Variants in CYFIP2 observed in about 807,000 individuals in gnomAD.
The protein encoded by CYFIP2 is cytoplasmic FMR1 interacting protein 2, also known as cytoplasmic FMR1-interacting protein 2.
A neutral mutation model predicts 158.7 loss-of-function variants in CYFIP2; 29 were observed. The ratio of observed to expected loss-of-function variants is 0.18; its 90% confidence interval spans 0.14 to 0.25. CYFIP2 has a LOEUF of 0.25. Ranked by LOEUF, CYFIP2 falls within the 10% of genes least tolerant of loss-of-function variation. CYFIP2 has a pLI of 1.00. For missense variants in CYFIP2, 852 were observed against 1,639.5 expected (o/e 0.52, Z 8.29); for synonymous variants, 585 against 617.6 (o/e 0.95, Z 0.78).
intron 11 of CYFIP2, among the ~76,000 whole-genome samples, chr5:157,312,762 G>A (rs1443219554): frequency 6.6e-6 from 1 of 152,266 alleles, no homozygotes; most frequent in Non-Finnish European, 1.5e-5. Context: ...GTGGCCCACA[G>A]GGACCAAGGT....
At chr5:157,336,384 A>C (rs1761860376) in intron 21 of CYFIP2, among the ~76,000 whole-genome samples, 1 of 152,242 alleles carries the variant, frequency 6.6e-6, no homozygotes, top group African/African-American at 2.4e-5. Flanking sequence ...GAAGAAATCA[A>C]ATAAAACTGC....
At chr5:157,326,066 T>G in intron 17 of CYFIP2, 105 bp from the exon 18 acceptor site, 1 of 863,028 alleles carries the variant, frequency 1.2e-6, no homozygotes, top group Non-Finnish European at 1.9e-6. Flanking sequence ...TGAAAGATGG[T>G]CTTTTCCTGA....
rs1758118683 is a variant in CYFIP2 at position 157,294,812 on chromosome 5, T to C, written c.237T>C (p.Tyr79=). 6.2e-7 allele frequency: 1 copy of C among 1,613,866 alleles called. No individual in the cohort carries two copies. Among genetic ancestry groups the C allele is most frequent in the Non-Finnish European group, 8.5e-7 (1 of 1,179,788 alleles). Residue 79 remains tyrosine, a synonymous_variant, in exon 4 of 31, where the codon TAT becomes TAC. Coordinates refer to ENST00000620254, the MANE Select transcript of CYFIP2 (RefSeq NM_001037333.3). Reference sequence around the variant, plus strand: ...AGATGCTGGAGGAAGGACATGAGTATGCGGTCATGCTGTACACCTGGCGCA... The same window carrying C: ...AGATGCTGGAGGAAGGACATGAGTACGCGGTCATGCTGTACACCTGGCGCA... ...MNEMLEEGHE[Y]AVMLYTWRSC...
In CYFIP2 at chr5:157,345,312, T is replaced by G. The variant is rs1259713081; in HGVS notation, c.2673+4155T>G. On this transcript the variant is annotated intron_variant, in intron 23 of 30. Transcript: ENST00000620254. ...GGCTTCCTATCTGCCACTAGCTGTC[T>G]GTACAGATGGAATTACCTCAGCAGA... is the stretch of plus-strand genomic sequence containing the variant. The G allele has an allele frequency of 2.0e-5, 3 of 152,682 alleles. No individual in the cohort carries two copies. The East Asian group carries it at 5.8e-4, about 29-fold the overall frequency. 9.5% of individuals were successfully genotyped at this position (152,682 alleles called of 1,614,324 possible).
At chr5:157,323,697 A>G (rs1760788943) in intron 15 of CYFIP2, among the ~76,000 whole-genome samples, 1 of 152,226 alleles carries the variant, frequency 6.6e-6, no homozygotes, top group South Asian at 2.1e-4. Flanking sequence ...TGGTGTGGCC[A>G]GGTCCACTGG....
chr5:157,343,953 T>C (rs758124199), intron 23 of CYFIP2, among the ~76,000 whole-genome samples: 7 of 152,164 alleles, frequency 4.6e-5, no homozygotes, highest in Non-Finnish European at 7.3e-5. Context: ...CCTCAGGCAA[T>C]TGATTCACCT....
rs773671305 is a variant in CYFIP2, at chr5:157,341,065, A to G, written c.2586-5A>G. 1.2e-6 allele frequency: 2 copies of G among 1,613,558 alleles called. No homozygotes were observed. Among genetic ancestry groups the G allele is most frequent in the Admixed American group, 1.7e-5 (1 of 60,016 alleles). On this transcript the variant is annotated splice_region_variant and splice_polypyrimidine_tract_variant and intron_variant, in intron 22 of 30. Transcript: ENST00000620254. ...AACTCTTTCCCATCCCTATGCTTCT[A>G]CTAGTTTTGTGCGGACTGCCATTCC...
chr5:157,380,895 GGAAA>G (rs970606924), intron 26 of CYFIP2, among the ~76,000 whole-genome samples: 1 of 152,090 alleles, frequency 6.6e-6, no homozygotes, highest in African/African-American at 2.4e-5. Flanking sequence ...TTACTAGAAA[GGAAA>G]GAAACAAACA....
chr5:157,289,088 A>G (rs1757621556), intron 3 of CYFIP2, among the ~76,000 whole-genome samples: 1 of 152,218 alleles, frequency 6.6e-6, no homozygotes, highest in Non-Finnish European at 1.5e-5. Context: ...ACTGAGGCCT[A>G]GAAAAGTTAA....
intron 26 of CYFIP2, among the ~76,000 whole-genome samples, chr5:157,381,145 G>C (rs973401344): frequency 6.6e-6 from 1 of 152,018 alleles, no homozygotes; most frequent in South Asian, 2.1e-4. Context: ...GCTTAAGAAA[G>C]AAAACATTGT....
chr5:157,384,583 G>A (rs934437135), intron 28 of CYFIP2: 3 of 435,722 alleles, frequency 6.9e-6, no homozygotes, highest in Admixed American at 4.8e-5. Flanking sequence ...ACGTCATGCT[G>A]AGGAAGCCAC....
chr5:157,341,112 A>G lies in CYFIP2; in HGVS notation c.2628A>G (p.Arg876=), dbSNP rs775041144. 2.5e-5 allele frequency: 40 copies of G among 1,613,892 alleles called. No individual in the cohort carries two copies. The highest frequency in any genetic ancestry group is 3.2e-5 in the Non-Finnish European group (38 of 1,179,898). Residue 876 remains arginine (R), a synonymous_variant, in exon 23 of 31, where the codon CGA becomes CGG. Coordinates refer to ENST00000620254, the MANE Select transcript of CYFIP2 (RefSeq NM_001037333.3). ...TAIPFTQEPQ[R]DKPANVQPYY... is the part of the protein sequence containing the mutation. Reference sequence around the variant, plus strand: ...TTCCTTTCACCCAAGAACCACAACGAGACAAACCTGCCAACGTCCAGCCTT... The same window carrying G: ...TTCCTTTCACCCAAGAACCACAACGGGACAAACCTGCCAACGTCCAGCCTT...
At chr5:157,283,039 A>G (rs1410837717) in intron 1 of CYFIP2, among the ~76,000 whole-genome samples, 1 of 152,196 alleles carries the variant, frequency 6.6e-6, no homozygotes, top group Non-Finnish European at 1.5e-5. Flanking sequence ...TATCGAGTGT[A>G]ATCTCAAAAT....
intron 30 of CYFIP2, 36 bp downstream of exon 30, chr5:157,390,704 G>A (rs759013273): frequency 6.4e-7 from 1 of 1,567,520 alleles, no homozygotes; most frequent in Admixed American, 1.9e-5. Context: ...GGGAGGTGGG[G>A]CTGGGCTGAC....
Position 157,361,580 on chromosome 5 carries a change from C to T in CYFIP2, c.3021C>T (p.Leu1007=), listed in dbSNP as rs765648333. ...TGGGCAATGCCATCCTCTTCTGCCTCCTCATAGAGCAAGCTCTGGTAAGTC... is the reference window on the plus strand; with the variant it reads ...TGGGCAATGCCATCCTCTTCTGCCTTCTCATAGAGCAAGCTCTGGTAAGTC... ...REVGNAILFC[L]LIEQALSQEE... Residue 1007 remains leucine (L), a synonymous_variant, in exon 26 of 31, where the codon CTC becomes CTT. Coordinates refer to ENST00000620254, the MANE Select transcript of CYFIP2 (RefSeq NM_001037333.3). The surrounding 1 kb of genome is among the most constrained non-coding windows in gnomAD (Gnocchi z 4.4). The T allele has an allele frequency of 6.2e-7, 1 of 1,613,936 alleles. No individual in the cohort carries two copies. Among genetic ancestry groups the T allele is most frequent in the East Asian group, 2.2e-5 (1 of 44,872 alleles).
Position 157,285,333 on chromosome 5 carries a change from C to A in CYFIP2, c.-23-6C>A. The A allele has an allele frequency of 6.5e-7, 1 of 1,536,018 alleles. No homozygotes were observed. Among genetic ancestry groups the A allele is most frequent in the Non-Finnish European group, 8.8e-7 (1 of 1,132,240 alleles). ...TCTCCACTGACCTTCTCTTCCTTCC[C>A]TTCAGTGCAGAATACAGAAACTGCA... On this transcript the variant is annotated splice_polypyrimidine_tract_variant and splice_region_variant and intron_variant, in intron 1 of 30. Coordinates refer to ENST00000620254, the MANE Select transcript of CYFIP2 (RefSeq NM_001037333.3).
chr5:157,338,795 G>A (rs1762039809), intron 21 of CYFIP2, among the ~76,000 whole-genome samples: 2 of 152,160 alleles, frequency 1.3e-5, no homozygotes, highest in South Asian at 4.1e-4. Context: ...TCCTTCCAGG[G>A]GGTAGGCGTG....
In CYFIP2 at chr5:157,379,854, C is replaced by T. The variant is rs534911195; in HGVS notation, c.3040-2736C>T. On this transcript the variant is annotated intron_variant, in intron 26 of 30. Coordinates refer to ENST00000620254, the MANE Select transcript of CYFIP2 (RefSeq NM_001037333.3). ...ATCCAGACAGGGGAATTGCAAGGGA[C>T]AAAGAGTAATGCATGCAAAGCTGGC... Among the ~76,000 whole-genome samples the T allele has an allele frequency of 2.0e-5, 3 of 152,050 alleles. No individual in the cohort carries two copies. In the South Asian group the frequency reaches 6.2e-4, roughly 32 times the overall value.
chr5:157,317,099 G>C (rs149542179), intron 13 of CYFIP2, among the ~76,000 whole-genome samples: 2 of 152,010 alleles, frequency 1.3e-5, no homozygotes, highest in African/African-American at 2.4e-5. Context: ...AAAGGGATGC[G>C]TATGCACTGT....
Sources: gnomAD v4.1 joint callset for allele counts (sites outside exome capture counted in the v4.1 genomes callset) on GRCh38, gnomAD v4.1.1 for gene constraint, Gnocchi (gnomAD v3.1) non-coding constraint, MANE v1.5 for transcripts, NCBI Gene and HGNC (gene_info 2026-07-23, HGNC 2026-07-21) for gene names.